Variants in IGFN1 observed in about 807,000 individuals in gnomAD.
IGFN1 encodes immunoglobulin-like and fibronectin type III domain-containing protein 1.
Under a neutral mutation model 289.5 loss-of-function variants are expected in IGFN1, and 253 were observed. That is an observed-to-expected ratio of 0.87 (90% confidence interval 0.79 to 0.97). The LOEUF (loss-of-function observed/expected upper bound fraction) is 0.97. Among genes scored for constraint, IGFN1 ranks in the 50% least tolerant of loss-of-function variants. The pLI is 0.00. For synonymous variants in IGFN1, 1,706 were observed against 1,788.5 expected (o/e 0.95, Z 1.16); for missense variants, 4,470 against 4,686.1 (o/e 0.95, Z 1.35).
chr1:201,199,180 C>T (rs900682053), intron 5 of IGFN1, among the ~76,000 whole-genome samples, 154 bp from the exon 6 acceptor site: 1 of 152,200 alleles, frequency 6.6e-6, no homozygotes, highest in Non-Finnish European at 1.5e-5. Flanking sequence ...CACCCTGCTC[C>T]ATCCCTCTTG....
rs1253876251 is a variant in IGFN1 at position 201,212,922 on chromosome 1, G to A, written c.8029G>A (p.Ala2677Thr). ...GPGGFKGGEG[A>T]PGQEAAGGCR... ...AGGGGGCTTTAAGGGTGGGGAGGGT[G>A]CACCAGGCCAAGAGGCGGCTGGTGG... Residue 2677 changes from alanine to threonine, a missense_variant, in exon 12 of 24, where the codon GCA becomes ACA. Around this residue, in one of 8 missense-constraint regions of IGFN1, gnomAD observed 2,218 missense variants for 2,114.1 expected, o/e 1.05. Coordinates refer to ENST00000335211, the MANE Select transcript of IGFN1 (RefSeq NM_001164586.2). 3.9e-6 allele frequency: 6 copies of A among 1,551,408 alleles called. No homozygotes were observed. The Admixed American group carries it at 7.8e-5, about 20-fold the overall frequency.
chr1:201,225,795 G>A (rs1033424878), intron 21 of IGFN1, 29 bp from the exon 22 acceptor site: 17 of 1,584,452 alleles, frequency 1.1e-5, no homozygotes, highest in Admixed American at 5.3e-5. Context: ...TCCCCTCCAC[G>A]TGACCTCCCT....
At chr1:201,201,934 C>T in intron 9 of IGFN1, 102 bp downstream of exon 9, 6 of 673,226 alleles carry the variant, frequency 8.9e-6, no homozygotes. Context: ...AGGGAACAAC[C>T]AGAGCACACA....
Position 201,200,120 on chromosome 1 carries a change from C to A in IGFN1, c.459-117C>A, listed in dbSNP as rs551781728. On this transcript the variant is annotated intron_variant, in intron 7 of 23. Transcript: ENST00000335211. ...TCAGTCCCAGAGATTCCAGGCTCTG[C>A]GTTTCCTCGAGTGCAGATAGAGCAG... 6 of 776,872 alleles carry A rather than the reference C, an allele frequency of 7.7e-6. No individual in the cohort carries two copies. In the African/African-American group the frequency reaches 1.0e-4, roughly 14 times the overall value. 48.1% of individuals were successfully genotyped at this position (776,872 alleles called of 1,614,324 possible).
rs749283520 is a variant in IGFN1 at position 201,216,548 on chromosome 1, C to T, written c.9390C>T (p.Gly3130=). The T allele has an allele frequency of 6.2e-7, 1 of 1,613,220 alleles. No individual in the cohort carries two copies. The highest frequency in any genetic ancestry group is 8.5e-7 in the Non-Finnish European group (1 of 1,179,722). The change falls in exon 16 of 24, where the codon GGC becomes GGT. Residue 3130 remains glycine (G), a synonymous_variant. Transcript: ENST00000335211. ...GGCGGCCCCCAAGGGACAATGGGGG[C>T]CGGACTGTAGAGTGCTACGTGGTGG... The part of the protein sequence containing the change: ...LRWRPPRDNG[G]RTVECYVVER...
Position 201,206,142 on chromosome 1 carries a change from G to T in IGFN1, c.1249G>T (p.Ala417Ser), listed in dbSNP as rs1667405943. Residue 417 changes from alanine (A) to serine (S), a missense_variant, in exon 12 of 24, where the codon GCC becomes TCC. This residue lies in a region of IGFN1 where 2,011 missense variants were observed against 1,953.4 expected (regional missense o/e 1.03). Coordinates refer to ENST00000335211, the MANE Select transcript of IGFN1 (RefSeq NM_001164586.2). ...TGACCACAAACTGCAGAGGCAAGGA[G>T]CCCAGGCATCAGGAGCAGAAGAGTC... The part of the protein sequence containing the change: ...SADHKLQRQG[A>S]QASGAEESGS... The T allele has an allele frequency of 1.9e-6, 3 of 1,550,858 alleles. No homozygotes were observed. The Admixed American group carries it at 5.9e-5, about 30-fold the overall frequency.
rs1217893469 is a variant in IGFN1, at chr1:201,207,941, TG to T, written c.3053del (p.Gly1018GlufsTer34). The T allele has an allele frequency of 6.5e-7, 1 of 1,536,304 alleles. No homozygotes were observed. The highest frequency in any genetic ancestry group is 1.4e-5 in the African/African-American group (1 of 72,892). On this transcript the variant is annotated frameshift_variant, in exon 12 of 24. Transcript: ENST00000335211. LOFTEE classifies it high-confidence loss of function. ...GGTACAGGCATGGCTCCGGAGCGCC[TG>T]GGGGAGTGTGGTCTGGAAATGAAGA... Reference protein sequence around the residue: ...GGYRHGSGAPGGVWSGNEDSG... With the variant: ...GGYRHGSGAPXGVWSGNEDSG...
At chr1:201,214,371 C>T (rs941954308) in intron 13 of IGFN1, 70 bp downstream of exon 13, 30 of 1,458,180 alleles carry the variant, frequency 2.1e-5, no homozygotes, top group African/African-American at 1.7e-4. Flanking sequence ...GGGGCAAGAG[C>T]GTAGAGGCTT....
rs1444490058 is a variant in IGFN1, at chr1:201,222,822, T to C, written c.10285T>C (p.Phe3429Leu). Residue 3429 changes from phenylalanine (F) to leucine (L), a missense_variant, in exon 20 of 24, where the codon TTT (phenylalanine) becomes CTT (leucine). By Grantham distance (22) the Phe-to-Leu change is conservative. Transcript: ENST00000335211. ...VGDTVRVPVSFEAMPMPEVTW... is the reference protein window; with the variant it reads ...VGDTVRVPVSLEAMPMPEVTW... Reference sequence around the variant, plus strand: ...GGACACAGTTCGTGTGCCCGTCTCCTTTGAAGTGAGTGTACCTGCAGGGGT... The same window carrying C: ...GGACACAGTTCGTGTGCCCGTCTCCCTTGAAGTGAGTGTACCTGCAGGGGT... 6.2e-7 allele frequency: 1 copy of C among 1,611,312 alleles called. No homozygotes were observed. Among genetic ancestry groups the C allele is most frequent in the East Asian group, 2.2e-5 (1 of 44,802 alleles).
At chr1:201,215,289 T>C (rs1182100932) in intron 14 of IGFN1, 135 bp downstream of exon 14, 1 of 1,110,958 alleles carries the variant, frequency 9.0e-7, no homozygotes, top group Non-Finnish European at 1.3e-6. Flanking sequence ...CCAGAGAAGA[T>C]GATTTAAAAA....
intron 3 of IGFN1, 22 bp downstream of exon 3, chr1:201,194,295 G>A (rs548916837): frequency 1.2e-4 from 184 of 1,550,170 alleles, no homozygotes; most frequent in Non-Finnish European, 1.5e-4. Context: ...GGGGAGCTGC[G>A]GAGGGGAGGC....
In IGFN1 at chr1:201,218,581, G is replaced by T. The variant is rs527336833; in HGVS notation, c.9821G>T (p.Arg3274Leu). 2 of 1,613,396 alleles carry T rather than the reference G, an allele frequency of 1.2e-6. No individual in the cohort carries two copies. Among genetic ancestry groups the T allele is most frequent in the East Asian group, 2.2e-5 (1 of 44,878 alleles). The change falls in exon 18 of 24, where the codon CGG becomes CTG. Residue 3274 changes from arginine to leucine, a missense_variant. Arg to Leu is a moderately radical substitution (Grantham distance 102). Transcript: ENST00000335211. ...DVRQGCQYEF[R>L]VTAVAPSGPG... ...CGGCAGGGCTGTCAGTATGAGTTCCGGGTCACAGCTGTGGCTCCCTCAGGT... is the reference window on the plus strand; with the variant it reads ...CGGCAGGGCTGTCAGTATGAGTTCCTGGTCACAGCTGTGGCTCCCTCAGGT...
At chr1:201,197,347 G>C in intron 5 of IGFN1, 30 bp downstream of exon 5, 4 of 1,406,352 alleles carry the variant, frequency 2.8e-6, no homozygotes, top group Non-Finnish European at 3.9e-6. Context: ...TGTCTCATCA[G>C]TGCACAGGGC....
At position 201,209,211 on chromosome 1, in the gene IGFN1, G is replaced by A. The variant is rs1316903713; in HGVS notation, c.4318G>A (p.Ala1440Thr). The part of the protein sequence containing the change: ...APEGMGTGSK[A>T]GYRDGLRGSG... ...TGAGGGAATGGGCACAGGGAGCAAG[G>A]CAGGTTATAGGGATGGCTTAAGGGG... Residue 1440 changes from alanine to threonine, a missense_variant, in exon 12 of 24, where the codon GCA becomes ACA. Transcript: ENST00000335211. 8 of 1,494,772 alleles carry A rather than the reference G, an allele frequency of 5.4e-6. No homozygotes were observed. The highest frequency in any genetic ancestry group is 2.3e-5 in the Admixed American group (1 of 44,132). The allele number at this position is 1,494,772 out of a possible 1,614,324, so 92.6% of individuals were successfully genotyped here.
In IGFN1 at chr1:201,212,662, G is replaced by A; in HGVS notation, c.7769G>A (p.Gly2590Glu). Residue 2590 changes from glycine to glutamate, a missense_variant, in exon 12 of 24, where the codon GGG becomes GAG. Physicochemically the swap from Gly to Glu is moderately conservative, Grantham distance 98. Transcript: ENST00000335211. The stretch of plus-strand genomic sequence containing the variant: ...TTGGGAGGCAGAAGGGTAGGCTCAG[G>A]GAGTTCAGTGGGGACAGGTCAGGAT... ...SLLGGRRVGSGSSVGTGQDLD... is the reference protein window; with the variant it reads ...SLLGGRRVGSESSVGTGQDLD... 1 of 1,542,714 alleles carries A rather than the reference G, an allele frequency of 6.5e-7. No individual in the cohort carries two copies.
chr1:201,205,430 G>A (rs1368599044), intron 11 of IGFN1, 76 bp downstream of exon 11: 2 of 1,397,266 alleles, frequency 1.4e-6, no homozygotes, highest in African/African-American at 1.5e-5. Flanking sequence ...GGAAGGCGAG[G>A]CAGTGGGATT....
Position 201,206,287 on chromosome 1 carries a change from T to C in IGFN1, c.1394T>C (p.Leu465Pro), listed in dbSNP as rs1416382490. 2 of 1,549,510 alleles carry C rather than the reference T, an allele frequency of 1.3e-6. No individual in the cohort carries two copies. Among genetic ancestry groups the C allele is most frequent in the Non-Finnish European group, 1.7e-6 (2 of 1,146,484 alleles). ...QHIASPDRDG[L>P]GRHGYSLMGD... ...ATAGCCAGCCCAGACAGGGATGGCC[T>C]TGGCAGACATGGCTACTCCTTGATG... Residue 465 changes from leucine to proline, a missense_variant, in exon 12 of 24, where the codon CTT becomes CCT. Coordinates refer to ENST00000335211, the MANE Select transcript of IGFN1 (RefSeq NM_001164586.2).
At chr1:201,222,649 T>C in intron 19 of IGFN1, 90 bp from the exon 20 acceptor site, 1 of 813,810 alleles carries the variant, frequency 1.2e-6, no homozygotes, top group Non-Finnish European at 2.1e-6. Context: ...TGGCCCAGTC[T>C]TCCCCTCCAG....
In IGFN1 at chr1:201,208,883, T is replaced by C; in HGVS notation, c.3990T>C (p.Ala1330=). 2.0e-6 allele frequency: 3 copies of C among 1,536,668 alleles called. No homozygotes were observed. Among genetic ancestry groups the C allele is most frequent in the Non-Finnish European group, 2.6e-6 (3 of 1,146,778 alleles). ...CAGGTTATAGGAAAGATTTAGGGGC[T>C]CCTGAGGGAATAAGTTCAGGGAGCA... The part of the protein sequence containing the change: ...DEAGYRKDLG[A]PEGISSGSKA... Residue 1330 remains alanine (A), a synonymous_variant, in exon 12 of 24, where the codon GCT becomes GCC. Coordinates refer to ENST00000335211, the MANE Select transcript of IGFN1 (RefSeq NM_001164586.2).
Sources: gnomAD v4.1 joint callset for allele counts (sites outside exome capture counted in the v4.1 genomes callset) on GRCh38, gnomAD v4.1.1 for gene constraint, gnomAD v4.1.1 regional missense constraint, MANE v1.5 for transcripts, NCBI Gene and HGNC (gene_info 2026-07-23, HGNC 2026-07-21) for gene names.